The following PDE4D variants were observed in gnomAD, a reference collection of about 807,000 sequenced individuals.
PDE4D encodes phosphodiesterase 4D.
In PDE4D, 24 loss-of-function variants were observed where a neutral mutation model predicts 87.4. The observed-to-expected ratio is 0.27, with a 90% CI of 0.20 to 0.39. The LOEUF (loss-of-function observed/expected upper bound fraction) is 0.39, where lower values mean the gene tolerates loss of function less well. PDE4D is among the 10% of genes least tolerant of loss of function. The pLI is 1.00. For missense variants in PDE4D, 714 were observed against 1,041.0 expected (o/e 0.69, Z 4.32); for synonymous variants, 384 against 383.2 (o/e 1.00, Z -0.02).
At chr5:58,985,477 A>T (rs796614111) in intron 11 of PDE4D, among the ~76,000 whole-genome samples, 3 of 152,330 alleles carry the variant, frequency 2.0e-5, no homozygotes, top group African/African-American at 7.2e-5. Flanking sequence ...GAGCACATGT[A>T]AGAAGCAGGA....
intron 1 of PDE4D, among the ~76,000 whole-genome samples, chr5:59,823,005 G>C (rs543827273): frequency 2.5e-4 from 38 of 152,312 alleles, no homozygotes; most frequent in Non-Finnish European, 4.7e-4. Context: ...CTGGTTTACA[G>C]AATGGACAGC....
chr5:59,952,013 A>C (rs527942012), intron 3 of PDE4D, among the ~76,000 whole-genome samples: 1 of 152,010 alleles, frequency 6.6e-6, no homozygotes, highest in African/African-American at 2.4e-5. Flanking sequence ...AATCCCCATA[A>C]CCCCTTCATG....
chr5:60,475,106 T>G (rs967009184), intron 1 of PDE4D, among the ~76,000 whole-genome samples: 1 of 152,188 alleles, frequency 6.6e-6, no homozygotes, highest in Non-Finnish European at 1.5e-5. Context: ...TCAAAAGGAA[T>G]AGAAATTCAA....
At chr5:59,715,343 C>A (rs1754851116) in intron 1 of PDE4D, among the ~76,000 whole-genome samples, 1 of 152,212 alleles carries the variant, frequency 6.6e-6, no homozygotes, top group Admixed American at 6.5e-5. Context: ...GACATGGGGC[C>A]TGAAGCACCC....
chr5:59,324,725 T>G (rs1775337889), intron 1 of PDE4D, among the ~76,000 whole-genome samples: 1 of 152,068 alleles, frequency 6.6e-6, no homozygotes, highest in South Asian at 2.1e-4. Flanking sequence ...TTTGATAATG[T>G]CACTGAGTGA....
chr5:59,946,140 T>A (rs142076353), intron 3 of PDE4D, among the ~76,000 whole-genome samples: 1 of 152,168 alleles, frequency 6.6e-6, no homozygotes, highest in East Asian at 1.9e-4. Flanking sequence ...CATACTGGGC[T>A]TGGGGGCAGT....
chr5:60,478,910 T>C (rs1276429739), intron 1 of PDE4D, among the ~76,000 whole-genome samples: 1 of 152,220 alleles, frequency 6.6e-6, no homozygotes, highest in African/African-American at 2.4e-5. Flanking sequence ...ATCGAGAACA[T>C]TATTAAAGAC....
chr5:60,185,670 CA>C, exon 2 of PDE4D: 1 of 872,642 alleles, frequency 1.1e-6, no homozygotes, highest in Non-Finnish European at 1.8e-6. Flanking sequence ...CGTATCCACT[CA>C]AAAGCCAACT....
intron 1 of PDE4D, among the ~76,000 whole-genome samples, chr5:60,334,285 T>G (rs1757557932): frequency 6.6e-6 from 1 of 152,208 alleles, no homozygotes; most frequent in Non-Finnish European, 1.5e-5. Context: ...TACTGATAAC[T>G]CCTTCTGATT....
At chr5:60,506,664 C>A (rs561007185) in intron 1 of PDE4D, among the ~76,000 whole-genome samples, 2 of 151,716 alleles carry the variant, frequency 1.3e-5, no homozygotes, top group Non-Finnish European at 2.9e-5. Context: ...GCAAAGGAGG[C>A]TGAGTATGAA....
chr5:59,390,483 C>T (rs1379837777), intron 1 of PDE4D, among the ~76,000 whole-genome samples: 1 of 152,082 alleles, frequency 6.6e-6, no homozygotes, highest in African/African-American at 2.4e-5. Flanking sequence ...TAAATTTCTG[C>T]TGCATAAACA....
rs534963877 is a variant in PDE4D, at chr5:59,157,784, C to A, written c.808+22811G>T. ...GGAAACATTGCATAGAAACAAAAGA[C>A]ATGACTACCATATGCCAATAACTGC... is the stretch of plus-strand genomic sequence containing the variant. On this transcript the variant is annotated intron_variant, in intron 5 of 14. Coordinates refer to ENST00000340635, the MANE Select transcript of PDE4D (RefSeq NM_001104631.2). Among the ~76,000 whole-genome samples the A allele has an allele frequency of 2.6e-5, 4 of 152,302 alleles. No individual in the cohort carries two copies. In the East Asian group the frequency reaches 7.7e-4, roughly 29 times the overall value.
chr5:60,017,822 T>C (rs1048621105), intron 2 of PDE4D, among the ~76,000 whole-genome samples: 2 of 152,186 alleles, frequency 1.3e-5, no homozygotes, highest in Non-Finnish European at 2.9e-5. Context: ...AGTAATGGGA[T>C]TGCTGAGTCA....
chr5:59,531,514 T>C (rs1814212358), intron 1 of PDE4D, among the ~76,000 whole-genome samples: 1 of 152,222 alleles, frequency 6.6e-6, no homozygotes, highest in South Asian at 2.1e-4. Context: ...TATCATTTTA[T>C]AGTTCTGTAG....
At chr5:60,259,443 G>A (rs1481689960) in intron 1 of PDE4D, among the ~76,000 whole-genome samples, 2 of 151,872 alleles carry the variant, frequency 1.3e-5, no homozygotes, top group African/African-American at 4.8e-5. Context: ...CAAATTTATC[G>A]AGACCAAAGA....
chr5:60,410,146 G>A (rs923188542), intron 1 of PDE4D, among the ~76,000 whole-genome samples: 41 of 152,196 alleles, frequency 2.7e-4, no homozygotes, highest in African/African-American at 9.9e-4. Flanking sequence ...GTTTAAGGGG[G>A]AAATTAGAAA....
intron 11 of PDE4D, among the ~76,000 whole-genome samples, chr5:58,987,405 A>G (rs1239477885): frequency 3.3e-5 from 5 of 152,194 alleles, no homozygotes; most frequent in African/African-American, 1.2e-4. Context: ...CTCTACATGG[A>G]TGAGTCATTA....
chr5:60,209,196 T>C (rs928285232), intron 1 of PDE4D, among the ~76,000 whole-genome samples: 20 of 148,516 alleles, frequency 1.3e-4, no homozygotes, highest in African/African-American at 4.7e-4. Context: ...TCTTTTTTTT[T>C]TTTTTTTTTT....
chr5:59,102,777 A>T (rs1156747916), intron 5 of PDE4D, among the ~76,000 whole-genome samples: 1 of 152,198 alleles, frequency 6.6e-6, no homozygotes, highest in Non-Finnish European at 1.5e-5. Context: ...TTTGTGGGGC[A>T]TAGGGCTCTG....
Sources: allele counts gnomAD v4.1 joint callset (sites outside exome capture counted in the v4.1 genomes callset), GRCh38; gene constraint gnomAD v4.1.1; transcripts MANE v1.5; gene names NCBI Gene and HGNC (gene_info 2026-07-23, HGNC 2026-07-21).